LMAN2L: variants seen among roughly 807,000 people sequenced by gnomAD.
The protein encoded by LMAN2L is lectin, mannose binding 2 like.
In LMAN2L, 30 loss-of-function variants were observed where a neutral mutation model predicts 44.3. The observed-to-expected ratio is 0.68, with a 90% CI of 0.51 to 0.92. LMAN2L has a LOEUF of 0.92. Ranked by LOEUF, LMAN2L falls within the 40% of genes least tolerant of loss-of-function variation. The pLI is 0.00. For synonymous variants in LMAN2L, 183 were observed against 171.1 expected, an observed-to-expected ratio of 1.07 and a Z score of -0.54; for missense variants, 429 against 446.1, an observed-to-expected ratio of 0.96 and a Z score of 0.35.
At chr2:96,721,678 C>T (rs1021466565) in intron 4 of LMAN2L, among the ~76,000 whole-genome samples, 3 of 151,812 alleles carry the variant, frequency 2.0e-5, no homozygotes, top group Admixed American at 6.6e-5. Context: ...TGGGGTCTCC[C>T]TATGTTGCCC....
chr2:96,734,833 C>CCTA (rs762147957), intron 2 of LMAN2L: 50 of 335,922 alleles, frequency 1.5e-4, no homozygotes, highest in Non-Finnish European at 2.2e-4. Context: ...CTCCTGTGAT[C>CCTA]CTACACCCAC....
At position 96,724,899 on chromosome 2, in the gene LMAN2L, T is replaced by C. The variant is rs201527272; in HGVS notation, c.507+8620A>G. Among the ~76,000 whole-genome samples the C allele has an allele frequency of 4.6e-5, 7 of 152,278 alleles. No individual in the cohort carries two copies. The East Asian group carries it at 1.2e-3, about 25-fold the overall frequency. On this transcript the variant is annotated intron_variant, in intron 4 of 7. Coordinates refer to ENST00000264963, the MANE Select transcript of LMAN2L (RefSeq NM_030805.4). Reference sequence around the variant, plus strand: ...CAGGCTGGAGTGCAGTGGCGCGATCTTGGCTCACTGCAAGCTCCGCTTCCC... The same window carrying C: ...CAGGCTGGAGTGCAGTGGCGCGATCCTGGCTCACTGCAAGCTCCGCTTCCC...
intron 6 of LMAN2L, among the ~76,000 whole-genome samples, chr2:96,709,945 G>T (rs753764927): frequency 1.3e-5 from 2 of 152,174 alleles, no homozygotes; most frequent in African/African-American, 4.8e-5. Flanking sequence ...TAAAAAGTAC[G>T]TCAGGAGGTT....
intron 4 of LMAN2L, among the ~76,000 whole-genome samples, chr2:96,715,047 T>G (rs771516696): frequency 5.2e-4 from 79 of 152,330 alleles, no homozygotes; most frequent in Middle Eastern, 3.4e-3. Context: ...CAAGCAATTC[T>G]CCTGCCTCAG....
At chr2:96,720,266 C>A (rs1210644775) in intron 4 of LMAN2L, among the ~76,000 whole-genome samples, 1 of 152,066 alleles carries the variant, frequency 6.6e-6, no homozygotes, top group Admixed American at 6.6e-5. Context: ...GAATGAAGGC[C>A]AAGACCGCAA....
intron 4 of LMAN2L, among the ~76,000 whole-genome samples, chr2:96,723,860 G>A (rs895466032): frequency 1.2e-4 from 18 of 152,038 alleles, no homozygotes; most frequent in Non-Finnish European, 1.3e-4. Flanking sequence ...AGGCCGACGC[G>A]GGTGGATCAC....
Position 96,707,268 on chromosome 2 carries a change from C to T in LMAN2L, c.1035G>A (p.Lys345=). ...LYNKWQEQSR[K]RFY Reference sequence around the variant, plus strand: ...GCAGCAGGAGGGCTCAGTAGAAGCGCTTTCGGCTCTGTTCCTGCCATTTGT... The same window carrying T: ...GCAGCAGGAGGGCTCAGTAGAAGCGTTTTCGGCTCTGTTCCTGCCATTTGT... Residue 345 remains lysine (K), a synonymous_variant, in exon 8 of 8, where the codon AAG becomes AAA. Coordinates refer to ENST00000264963, the MANE Select transcript of LMAN2L (RefSeq NM_030805.4). The T allele has an allele frequency of 6.2e-7, 1 of 1,614,108 alleles. No individual in the cohort carries two copies. The highest frequency in any genetic ancestry group is 8.5e-7 in the Non-Finnish European group (1 of 1,179,988).
chr2:96,733,710 C>A, intron 3 of LMAN2L, 109 bp from the exon 4 acceptor site: 1 of 845,586 alleles, frequency 1.2e-6, no homozygotes, highest in Non-Finnish European at 1.9e-6. Context: ...ACTCCCAAGC[C>A]TCTCTCAAGA....
intron 4 of LMAN2L, among the ~76,000 whole-genome samples, chr2:96,723,706 G>A (rs2078207330): frequency 6.6e-6 from 1 of 152,166 alleles, no homozygotes; most frequent in East Asian, 1.9e-4. Context: ...TCTGTGTGGT[G>A]TGAAATAGGG....
At chr2:96,724,717 G>C (rs1404337294) in intron 4 of LMAN2L, among the ~76,000 whole-genome samples, 4 of 152,188 alleles carry the variant, frequency 2.6e-5, no homozygotes, top group African/African-American at 4.8e-5. Flanking sequence ...CGCAATCTCA[G>C]CTCACTGTAG....
chr2:96,732,753 T>TC (rs1267867154), intron 4 of LMAN2L, among the ~76,000 whole-genome samples: 1 of 151,788 alleles, frequency 6.6e-6, no homozygotes, highest in African/African-American at 2.4e-5. Context: ...TGCTGGGCTT[T>TC]CATCAGTTTC....
At chr2:96,715,740 CGATGGAAAA>C (rs1489222392) in intron 4 of LMAN2L, among the ~76,000 whole-genome samples, 1 of 152,140 alleles carries the variant, frequency 6.6e-6, no homozygotes, top group African/African-American at 2.4e-5. Context: ...CAGCATATTT[CGATGGAAAA>C]GACACCCATT....
At chr2:96,711,087 G>C (rs2077905295) in intron 6 of LMAN2L, among the ~76,000 whole-genome samples, 1 of 152,176 alleles carries the variant, frequency 6.6e-6, no homozygotes, top group African/African-American at 2.4e-5. Context: ...GAGGACAAAG[G>C]GTGAGAACGA....
Position 96,712,297 on chromosome 2 carries a change from G to A in LMAN2L, c.508-272C>T, listed in dbSNP as rs552989095. ...CCTGAAGTGGTCCTCCTAAGACGCT[G>A]GAGTCTGACTTGAATGCCCCAAGGT... is the stretch of plus-strand genomic sequence containing the variant. On this transcript the variant is annotated intron_variant, in intron 4 of 7. Coordinates refer to ENST00000264963, the MANE Select transcript of LMAN2L (RefSeq NM_030805.4). 6.6e-5 allele frequency among the ~76,000 whole-genome samples: 10 copies of A among 152,308 alleles called. No individual in the cohort carries two copies. The South Asian group carries it at 1.9e-3, about 28-fold the overall frequency.
intron 1 of LMAN2L, among the ~76,000 whole-genome samples, chr2:96,738,631 T>C (rs370516075): frequency 4.6e-5 from 7 of 152,276 alleles, no homozygotes; most frequent in Admixed American, 4.6e-4. Flanking sequence ...GCCATGATTG[T>C]GCCACTGCAC....
At chr2:96,713,171 AAG>A in intron 4 of LMAN2L, 1 of 1,546,546 alleles carries the variant, frequency 6.5e-7, no homozygotes, top group Non-Finnish European at 8.8e-7. Flanking sequence ...TGATAAAAAC[AAG>A]AGAGGGCACA....
intron 4 of LMAN2L, among the ~76,000 whole-genome samples, chr2:96,723,810 C>T (rs555986069): frequency 8.1e-4 from 123 of 152,184 alleles, no homozygotes; most frequent in Admixed American, 2.4e-3. Flanking sequence ...TTGATTAGAC[C>T]GGGCACGGTG....
intron 4 of LMAN2L, among the ~76,000 whole-genome samples, chr2:96,716,272 C>T (rs1235236551): frequency 1.3e-5 from 2 of 152,104 alleles, no homozygotes; most frequent in Non-Finnish European, 2.9e-5. Context: ...ACTTTAACAC[C>T]AAAAGATGAG....
chr2:96,733,613 G>GAC lies in LMAN2L; in HGVS notation c.425-13_425-12insGT. The GAC allele has an allele frequency of 6.4e-7, 1 of 1,570,156 alleles. No homozygotes were observed. The highest frequency in any genetic ancestry group is 8.8e-7 in the Non-Finnish European group (1 of 1,141,244). On this transcript the variant is annotated splice_polypyrimidine_tract_variant and intron_variant, in intron 3 of 7. Coordinates refer to ENST00000264963, the MANE Select transcript of LMAN2L (RefSeq NM_030805.4). ...TCCAAACACAGGCCCTAGAGAGAGA[G>GAC]AACAGATGATGAACAATGAAATAAA...
Sources: gnomAD v4.1 joint callset for allele counts (sites outside exome capture counted in the v4.1 genomes callset) on GRCh38, gnomAD v4.1.1 for gene constraint, MANE v1.5 for transcripts, NCBI Gene and HGNC (gene_info 2026-07-23, HGNC 2026-07-21) for gene names.